The following SLC35F4 variants were observed in gnomAD, a reference collection of about 807,000 sequenced individuals.
SLC35F4 encodes the protein solute carrier family 35 member F4, also known as chromosome 14 open reading frame 36.
SLC35F4 carries 24 observed loss-of-function variants against 44.2 expected under a neutral mutation model. The ratio of observed to expected loss-of-function variants is 0.54; its 90% CI spans 0.39 to 0.76. The LOEUF (loss-of-function observed/expected upper bound fraction) is 0.76. Ranked by LOEUF, SLC35F4 falls within the 30% of genes least tolerant of loss-of-function variation. The pLI is 0.00. For missense variants in SLC35F4, 562 were observed against 586.1 expected (o/e 0.96, Z 0.42); for synonymous variants, 238 against 223.6 (o/e 1.06, Z -0.57).
At chr14:57,592,901 C>T (rs1221384476) in intron 2 of SLC35F4, among the ~76,000 whole-genome samples, 1 of 151,928 alleles carries the variant, frequency 6.6e-6, no homozygotes, top group African/African-American at 2.4e-5. Flanking sequence ...GTTGTTTTTG[C>T]TGCTGCTGTT....
At chr14:57,864,825 A>G (rs1040704982) in intron 1 of SLC35F4, among the ~76,000 whole-genome samples, 1 of 152,210 alleles carries the variant, frequency 6.6e-6, no homozygotes, top group Admixed American at 6.5e-5. Context: ...CTCCAATTCG[A>G]AGAAAAATGA....
chr14:57,594,841 A>G (rs566894731), intron 1 of SLC35F4, among the ~76,000 whole-genome samples: 1 of 152,278 alleles, frequency 6.6e-6, no homozygotes, highest in East Asian at 1.9e-4. Context: ...TTACAGATGA[A>G]AATCATCCAC....
chr14:57,969,991 T>A (rs1238733575), intron 1 of SLC35F4, among the ~76,000 whole-genome samples: 1 of 152,194 alleles, frequency 6.6e-6, no homozygotes, highest in Non-Finnish European at 1.5e-5. Context: ...TAAATCAATT[T>A]TAACAGAAAC....
chr14:57,808,012 T>C (rs1344184828), intron 1 of SLC35F4, among the ~76,000 whole-genome samples: 1 of 151,638 alleles, frequency 6.6e-6, no homozygotes, highest in Non-Finnish European at 1.5e-5. Flanking sequence ...ACTTATTCAT[T>C]ATCATGAACA....
At chr14:57,564,437 T>C (rs2068105440) in intron 7 of SLC35F4, 61 bp from the exon 8 acceptor site, 1 of 1,542,058 alleles carries the variant, frequency 6.5e-7, no homozygotes, top group Non-Finnish European at 8.8e-7. Context: ...TGAAAACAAG[T>C]CACCAAAGTC....
intron 1 of SLC35F4, among the ~76,000 whole-genome samples, chr14:57,780,209 T>C (rs370916464): frequency 6.6e-6 from 1 of 152,178 alleles, no homozygotes; most frequent in South Asian, 2.1e-4. Flanking sequence ...CAAAAGCTCC[T>C]TCAGCTGATA....
intron 1 of SLC35F4, among the ~76,000 whole-genome samples, chr14:57,752,950 G>C (rs1241356753): frequency 6.6e-5 from 10 of 152,152 alleles, no homozygotes; most frequent in African/African-American, 2.4e-4. Flanking sequence ...TCCTTAACGG[G>C]CAGTCATGTG....
intron 1 of SLC35F4, among the ~76,000 whole-genome samples, chr14:57,795,058 G>A (rs1463320594): frequency 6.6e-6 from 1 of 152,090 alleles, no homozygotes; most frequent in Non-Finnish European, 1.5e-5. Context: ...GATAAAATTA[G>A]CTCCCTTCCT....
intron 1 of SLC35F4, among the ~76,000 whole-genome samples, chr14:57,634,479 G>T (rs574994545): frequency 6.6e-6 from 1 of 152,078 alleles, no homozygotes; most frequent in Non-Finnish European, 1.5e-5. Context: ...TGAACTGAAA[G>T]ATATGAATGA....
chr14:57,982,360 G>C (rs560717910), upstream of SLC35F4, among the ~76,000 whole-genome samples: 1 of 152,300 alleles, frequency 6.6e-6, no homozygotes, highest in South Asian at 2.1e-4. Flanking sequence ...CTCCTGAAAA[G>C]TACACACTCA....
At chr14:57,870,156 G>GTGTGTGTGTGTGTGTGTGTC (rs1211320834), upstream of SLC35F4, among the ~76,000 whole-genome samples, 81 of 150,966 alleles carry the variant, frequency 5.4e-4, no homozygotes, top group African/African-American at 1.8e-3. Flanking sequence ...GTGTGTGTGT[G>GTGTGTGTGTGTGTGTGTGTC]TCTGTGTCTC....
chr14:57,653,692 G>A (rs2073864511), intron 1 of SLC35F4, among the ~76,000 whole-genome samples: 1 of 152,190 alleles, frequency 6.6e-6, no homozygotes, highest in Non-Finnish European at 1.5e-5. Context: ...GATATGCCAG[G>A]GAGCAGGTGG....
At chr14:57,630,288 A>G in intron 1 of SLC35F4, 2 of 566,882 alleles carry the variant, frequency 3.5e-6, no homozygotes, top group Admixed American at 2.3e-5. Context: ...AAGGAGATCA[A>G]GAAGGCTGTC....
intron 1 of SLC35F4, among the ~76,000 whole-genome samples, chr14:57,959,077 CAGG>C (rs1890296085): frequency 6.6e-6 from 1 of 152,132 alleles, no homozygotes; most frequent in Non-Finnish European, 1.5e-5. Flanking sequence ...AGGGAAGGGG[CAGG>C]AGAAGGATGG....
At chr14:57,808,140 A>G (rs1241563562) in intron 1 of SLC35F4, among the ~76,000 whole-genome samples, 1 of 151,942 alleles carries the variant, frequency 6.6e-6, no homozygotes, top group Non-Finnish European at 1.5e-5. Context: ...GACACAGCCA[A>G]GCCATATCAG....
chr14:57,588,357 A>ATTTTTTTT (rs60172708), intron 3 of SLC35F4, among the ~76,000 whole-genome samples: 3 of 150,582 alleles, frequency 2.0e-5, no homozygotes, highest in African/African-American at 2.4e-5. Context: ...TGGTGTCCCT[A>ATTTTTTTT]TTTTTTTTTC....
downstream of SLC35F4, among the ~76,000 whole-genome samples, chr14:57,972,084 G>A (rs115972284): frequency 3.4e-3 from 509 of 150,546 alleles, 3 homozygotes; most frequent in African/African-American, 0.012. Flanking sequence ...AACAGCATGA[G>A]GTGGAAAAGA....
intron 4 of SLC35F4, among the ~76,000 whole-genome samples, chr14:57,579,821 C>T (rs1471435153): frequency 6.6e-6 from 1 of 152,208 alleles, no homozygotes; most frequent in Non-Finnish European, 1.5e-5. Flanking sequence ...GGTCCCCACC[C>T]TTGGCTCAGT....
chr14:57,920,662 C>A (rs905271926), intron 1 of SLC35F4, among the ~76,000 whole-genome samples: 6 of 152,230 alleles, frequency 3.9e-5, no homozygotes, highest in Non-Finnish European at 8.8e-5. Context: ...ATCCAGTCAA[C>A]ATTTCTCCCC....
Sources: gnomAD v4.1 joint callset for allele counts (sites outside exome capture counted in the v4.1 genomes callset) on GRCh38, gnomAD v4.1.1 for gene constraint, MANE v1.5 for transcripts, NCBI Gene and HGNC (gene_info 2026-07-23, HGNC 2026-07-21) for gene names.